FMNL2: variants seen among roughly 807,000 people sequenced by gnomAD.
FMNL2 encodes formin-like protein 2.
Under a neutral mutation model 130.2 loss-of-function variants are expected in FMNL2, and 51 were observed. The observed-to-expected ratio is 0.39, with a 90% confidence interval of 0.31 to 0.49. The LOEUF (loss-of-function observed/expected upper bound fraction) is 0.49. Among genes scored for constraint, FMNL2 ranks in the 20% least tolerant of loss-of-function variants. FMNL2 has a pLI of 0.85. For synonymous variants in FMNL2, 465 were observed against 467.1 expected (o/e 1.00, Z 0.06); for missense variants, 977 against 1,316.2 (o/e 0.74, Z 3.99).
chr2:152,601,596 G>A (rs1698062774), intron 9 of FMNL2, among the ~76,000 whole-genome samples: 1 of 147,384 alleles, frequency 6.8e-6, no homozygotes, highest in South Asian at 2.2e-4. Context: ...CCACCGCGCC[G>A]GCCGATTGCT....
intron 2 of FMNL2, 114 bp downstream of exon 2, chr2:152,522,140 C>A: frequency 2.5e-6 from 2 of 793,518 alleles, no homozygotes; most frequent in Non-Finnish European, 4.0e-6. Context: ...GCTTCTGCGA[C>A]AGAGATAGGA....
At chr2:152,425,243 C>T (rs975356600) in intron 1 of FMNL2, among the ~76,000 whole-genome samples, 18 of 152,236 alleles carry the variant, frequency 1.2e-4, no homozygotes, top group Middle Eastern at 3.4e-3. Context: ...AAGCTATAGA[C>T]GGGTCTATGA....
intron 1 of FMNL2, among the ~76,000 whole-genome samples, chr2:152,375,839 T>C (rs1461566965): frequency 7.0e-6 from 1 of 142,472 alleles, no homozygotes; most frequent in East Asian, 2.2e-4. Context: ...CTATAACATT[T>C]AGCCATTGAA....
At position 152,355,066 on chromosome 2, in the gene FMNL2, G is replaced by A. The variant is rs148850200; in HGVS notation, c.117+19346G>A. Among the ~76,000 whole-genome samples the A allele has an allele frequency of 4.3e-4, 66 of 152,250 alleles. 2 individuals are homozygous for A. In the East Asian group the frequency reaches 0.01, roughly 24 times the overall value. Reference sequence around the variant, plus strand: ...TCCAGATGAAAAGGATTATAATATGGTACAAAAATAATAGCATGCCTGGCC... The same window carrying A: ...TCCAGATGAAAAGGATTATAATATGATACAAAAATAATAGCATGCCTGGCC... On this transcript the variant is annotated intron_variant, in intron 1 of 25. Transcript: ENST00000288670.
chr2:152,552,144 A>G (rs1011503392), intron 4 of FMNL2, among the ~76,000 whole-genome samples: 1 of 152,262 alleles, frequency 6.6e-6, no homozygotes, highest in African/African-American at 2.4e-5. Flanking sequence ...TAATACTTAC[A>G]TCACAGGAAT....
At chr2:152,364,268 T>G (rs1273270007) in intron 1 of FMNL2, among the ~76,000 whole-genome samples, 50 of 136,892 alleles carry the variant, frequency 3.7e-4, no homozygotes, top group African/African-American at 1.4e-3. Flanking sequence ...TGTGTTTTTT[T>G]TTTTTTTTTT....
intron 1 of FMNL2, among the ~76,000 whole-genome samples, chr2:152,342,375 A>G (rs1232339002): frequency 2.6e-5 from 4 of 152,234 alleles, no homozygotes; most frequent in Non-Finnish European, 5.9e-5. Flanking sequence ...AAAAGAAGGA[A>G]CAGCCTAGAG....
chr2:152,356,794 A>G (rs1682819032), intron 1 of FMNL2, among the ~76,000 whole-genome samples: 1 of 151,514 alleles, frequency 6.6e-6, no homozygotes, highest in African/African-American at 2.4e-5. Flanking sequence ...ATAATGCTGA[A>G]GTGCTGTCCA....
chr2:152,504,701 G>T (rs972098433), intron 1 of FMNL2, among the ~76,000 whole-genome samples: 1 of 152,148 alleles, frequency 6.6e-6, no homozygotes, highest in Non-Finnish European at 1.5e-5. Flanking sequence ...TGAGGCACTT[G>T]TTTATCAGTA....
chr2:152,351,150 A>C (rs1037472489), intron 1 of FMNL2, among the ~76,000 whole-genome samples: 1 of 152,174 alleles, frequency 6.6e-6, no homozygotes, highest in Non-Finnish European at 1.5e-5. Context: ...ATGAAAGTAC[A>C]TGTTCAATTC....
At chr2:152,504,052 G>A (rs553132380) in intron 1 of FMNL2, among the ~76,000 whole-genome samples, 4 of 152,184 alleles carry the variant, frequency 2.6e-5, no homozygotes, top group South Asian at 2.1e-4. Flanking sequence ...TTAGCCGGGC[G>A]TGGTGGCACG....
At chr2:152,430,797 C>T (rs1687452827) in intron 1 of FMNL2, among the ~76,000 whole-genome samples, 4 of 152,060 alleles carry the variant, frequency 2.6e-5, no homozygotes, top group African/African-American at 2.4e-5. Flanking sequence ...TGCTTGAACT[C>T]GGGAGGTGGA....
At chr2:152,428,955 A>C (rs1228112209) in intron 1 of FMNL2, among the ~76,000 whole-genome samples, 1 of 152,116 alleles carries the variant, frequency 6.6e-6, no homozygotes, top group East Asian at 1.9e-4. Flanking sequence ...TACAAGTGGG[A>C]GCTAAATGAT....
intron 15 of FMNL2, among the ~76,000 whole-genome samples, chr2:152,624,909 A>AT (rs943462588): frequency 6.6e-6 from 1 of 152,172 alleles, no homozygotes; most frequent in African/African-American, 2.4e-5. Flanking sequence ...TATCTTCATT[A>AT]TCGGAATCAC....
chr2:152,455,450 G>A (rs1688896475), intron 1 of FMNL2, among the ~76,000 whole-genome samples: 1 of 152,168 alleles, frequency 6.6e-6, no homozygotes, highest in Non-Finnish European at 1.5e-5. Flanking sequence ...ACAGGAGGGA[G>A]GAAAGCTCTT....
At chr2:152,379,102 G>A (rs1405901100) in intron 1 of FMNL2, among the ~76,000 whole-genome samples, 2 of 151,198 alleles carry the variant, frequency 1.3e-5, no homozygotes, top group Non-Finnish European at 2.9e-5. Context: ...TTTGAGATCA[G>A]CAGAGATGCT....
At chr2:152,401,838 A>G (rs78870797) in intron 1 of FMNL2, among the ~76,000 whole-genome samples, 14 of 152,006 alleles carry the variant, frequency 9.2e-5, no homozygotes, top group African/African-American at 3.4e-4. Context: ...TTGACCAAAA[A>G]GAGAGAGGCA....
Position 152,638,934 on chromosome 2 carries a change from G to C in FMNL2, c.2947-1024G>C, listed in dbSNP as rs1482869191. On this transcript the variant is annotated intron_variant, in intron 23 of 25. Coordinates refer to ENST00000288670, the MANE Select transcript of FMNL2 (RefSeq NM_052905.4). ...GTGGCTGGGGTTTGTCTCAAAGCCTGAGGCATCAGCAGGGATATGCGTGGA... is the reference window on the plus strand; with the variant it reads ...GTGGCTGGGGTTTGTCTCAAAGCCTCAGGCATCAGCAGGGATATGCGTGGA... Among the ~76,000 whole-genome samples the C allele has an allele frequency of 2.0e-5, 3 of 152,224 alleles. No homozygotes were observed. The East Asian group carries it at 5.8e-4, about 29-fold the overall frequency.
intron 6 of FMNL2, among the ~76,000 whole-genome samples, chr2:152,570,087 T>A (rs1696094099): frequency 6.6e-6 from 1 of 152,158 alleles, no homozygotes; most frequent in Non-Finnish European, 1.5e-5. Context: ...TAGCATTGAG[T>A]TATAACTTTT....
Sources: allele counts gnomAD v4.1 joint callset (sites outside exome capture counted in the v4.1 genomes callset), GRCh38; gene constraint gnomAD v4.1.1; transcripts MANE v1.5; gene names NCBI Gene and HGNC (gene_info 2026-07-23, HGNC 2026-07-21).